Variants in PRKCE observed in about 807,000 individuals in gnomAD.
The protein encoded by PRKCE is protein kinase C epsilon, also known as protein kinase C epsilon type.
In PRKCE, 16 loss-of-function variants were observed where a neutral mutation model predicts 85.4. The observed-to-expected ratio is 0.19, with a 90% confidence interval of 0.13 to 0.28. PRKCE has a LOEUF of 0.28. Ranked by LOEUF, PRKCE falls within the 10% of genes least tolerant of loss-of-function variation. The pLI is 1.00. For missense variants in PRKCE, 573 were observed against 975.2 expected (o/e 0.59, Z 5.49); for synonymous variants, 388 against 371.5 (o/e 1.04, Z -0.51).
intron 7 of PRKCE, among the ~76,000 whole-genome samples, chr2:46,003,193 T>C (rs1041017054): frequency 6.6e-6 from 1 of 152,218 alleles, no homozygotes; most frequent in Non-Finnish European, 1.5e-5. Context: ...GGTCTGAAGC[T>C]CAAAGGCTTC....
chr2:46,030,892 T>G (rs1707468978), intron 10 of PRKCE, among the ~76,000 whole-genome samples: 2 of 152,318 alleles, frequency 1.3e-5, no homozygotes, highest in South Asian at 4.1e-4. Flanking sequence ...AAGACAGTTT[T>G]CGTTACGTGT....
intron 1 of PRKCE, among the ~76,000 whole-genome samples, chr2:45,823,925 G>A (rs1436715111): frequency 2.0e-5 from 3 of 152,256 alleles, no homozygotes; most frequent in Non-Finnish European, 2.9e-5. Context: ...AGGATATGGC[G>A]TCTGGCTCAG....
intron 14 of PRKCE, among the ~76,000 whole-genome samples, chr2:46,162,772 G>A (rs562702979): frequency 4.6e-5 from 7 of 152,102 alleles, no homozygotes; most frequent in Non-Finnish European, 8.8e-5. Context: ...TACAACCTTG[G>A]CACTAGAGAT....
intron 2 of PRKCE, chr2:45,845,809 A>T (rs1465629306): frequency 6.6e-6 from 1 of 152,222 alleles, no homozygotes; most frequent in African/African-American, 2.4e-5. Context: ...TGTTTTGGCT[A>T]AACCAGCCAT....
chr2:45,855,582 A>G (rs1183794382), intron 2 of PRKCE, among the ~76,000 whole-genome samples: 3 of 152,164 alleles, frequency 2.0e-5, no homozygotes, highest in Non-Finnish European at 4.4e-5. Flanking sequence ...GTGTCTGGGA[A>G]CAGGTCCATC....
intron 2 of PRKCE, among the ~76,000 whole-genome samples, chr2:45,893,535 T>C (rs1695899226): frequency 1.3e-5 from 2 of 151,890 alleles, no homozygotes; most frequent in African/African-American, 4.8e-5. Context: ...ACCCAGCTAA[T>C]TTTTGTATTT....
At chr2:46,054,337 G>A (rs897480135) in intron 10 of PRKCE, among the ~76,000 whole-genome samples, 1 of 152,186 alleles carries the variant, frequency 6.6e-6, no homozygotes, top group African/African-American at 2.4e-5. Context: ...GATAACTGAG[G>A]AAACTAACAC....
chr2:45,788,436 T>G (rs886381456), intron 1 of PRKCE, among the ~76,000 whole-genome samples: 1 of 152,252 alleles, frequency 6.6e-6, no homozygotes, highest in Non-Finnish European at 1.5e-5. Context: ...TAGAGAATCC[T>G]GACTCCAGTG....
At chr2:45,856,838 C>A (rs1692720491) in intron 2 of PRKCE, among the ~76,000 whole-genome samples, 1 of 152,222 alleles carries the variant, frequency 6.6e-6, no homozygotes. Context: ...TTTCACTTAA[C>A]ATAATGTGCT....
rs1676422416 is a variant in PRKCE, at chr2:46,149,721, ATATG to A, written c.1732-1316_1732-1313del. On this transcript the variant is annotated intron_variant, in intron 12 of 14. Coordinates refer to ENST00000306156, the MANE Select transcript of PRKCE (RefSeq NM_005400.3). ...TATATATATATATGTATTTTTATAT[ATATG>A]TATTTATATATATGTATTTATATAT... is the stretch of plus-strand genomic sequence containing the variant. 4.7e-4 allele frequency among the ~76,000 whole-genome samples: 6 copies of A among 12,698 alleles called. No individual in the cohort carries two copies. In the Admixed American group the frequency reaches 0.015, roughly 32 times the overall value. The allele number at this position is 12,698 out of a possible 152,430, so 8.3% of individuals were successfully genotyped here.
Position 46,138,094 on chromosome 2 carries a change from G to A in PRKCE, c.1593-6999G>A, listed in dbSNP as rs893872473. On this transcript the variant is annotated intron_variant, in intron 11 of 14. Transcript: ENST00000306156. The surrounding 1 kb of genome is among the most constrained non-coding windows in gnomAD (Gnocchi z 4.2). Reference sequence around the variant, plus strand: ...ATAGGTTTTATAGAATATTTTAAAAGTACATTGTTTAGGGAATTTCCTTTC... The same window carrying A: ...ATAGGTTTTATAGAATATTTTAAAAATACATTGTTTAGGGAATTTCCTTTC... Among the ~76,000 whole-genome samples, 1 of 152,292 alleles carries A rather than the reference G, an allele frequency of 6.6e-6. No individual in the cohort carries two copies.
At chr2:45,956,412 G>A (rs1405591079) in intron 2 of PRKCE, among the ~76,000 whole-genome samples, 2 of 152,052 alleles carry the variant, frequency 1.3e-5, no homozygotes, top group African/African-American at 2.4e-5. Context: ...GGATGCAGTG[G>A]GTCACGCCTA....
chr2:45,839,146 TAA>T (rs1247401972), intron 1 of PRKCE, among the ~76,000 whole-genome samples: 1 of 151,508 alleles, frequency 6.6e-6, no homozygotes, highest in East Asian at 1.9e-4. Context: ...TTTTTTTTTT[TAA>T]CTAAGGTAAG....
chr2:45,790,379 A>C (rs1185136924), intron 1 of PRKCE, among the ~76,000 whole-genome samples: 1 of 152,204 alleles, frequency 6.6e-6, no homozygotes, highest in Admixed American at 6.5e-5. Flanking sequence ...TGAGAAAAAC[A>C]CACACGTGTG....
chr2:45,876,669 C>T (rs151181328), intron 2 of PRKCE, among the ~76,000 whole-genome samples: 9 of 152,336 alleles, frequency 5.9e-5, no homozygotes, highest in African/African-American at 1.7e-4. Context: ...CCCACTGCTG[C>T]GCCTTTGCAG....
intron 1 of PRKCE, among the ~76,000 whole-genome samples, chr2:45,789,251 C>T (rs1686851034): frequency 6.6e-6 from 1 of 152,122 alleles, no homozygotes; most frequent in South Asian, 2.1e-4. Flanking sequence ...GAAAAGGTGC[C>T]TCTGGATTTT....
At chr2:46,102,258 G>A (rs1266814120) in intron 11 of PRKCE, among the ~76,000 whole-genome samples, 2 of 152,196 alleles carry the variant, frequency 1.3e-5, no homozygotes, top group Non-Finnish European at 2.9e-5. Context: ...ATAAGAGAAA[G>A]CATTCCAGTG....
At chr2:45,827,891 A>G (rs1225880671) in intron 1 of PRKCE, among the ~76,000 whole-genome samples, 2 of 152,248 alleles carry the variant, frequency 1.3e-5, no homozygotes, top group Non-Finnish European at 2.9e-5. Flanking sequence ...TTTATGTTAT[A>G]TAAATTTGAG....
At chr2:46,049,049 C>T (rs547078437) in intron 10 of PRKCE, among the ~76,000 whole-genome samples, 14 of 152,254 alleles carry the variant, frequency 9.2e-5, no homozygotes, top group Non-Finnish European at 1.8e-4. Flanking sequence ...AGTCTAGAGT[C>T]CCAGGGCCTT....
Sources: gnomAD v4.1 joint callset for allele counts (sites outside exome capture counted in the v4.1 genomes callset) on GRCh38, gnomAD v4.1.1 for gene constraint, Gnocchi (gnomAD v3.1) non-coding constraint, MANE v1.5 for transcripts, NCBI Gene and HGNC (gene_info 2026-07-23, HGNC 2026-07-21) for gene names.